CLEC2A: variants seen among roughly 807,000 people sequenced by gnomAD.
CLEC2A encodes the protein keratinocyte-associated C-type lectin.
A neutral mutation model predicts 18.6 loss-of-function variants in CLEC2A; 19 were observed. The ratio of observed to expected loss-of-function variants is 1.02; its 90% confidence interval spans 0.71 to 1.50. CLEC2A has a LOEUF of 1.50. CLEC2A is among the 40% of genes most tolerant of loss of function. CLEC2A has a pLI of 0.00. For missense variants in CLEC2A, 190 were observed against 207.9 expected, an observed-to-expected ratio of 0.91 and a Z score of 0.53; for synonymous variants, 74 against 64.0, an observed-to-expected ratio of 1.16 and a Z score of -0.75.
chr12:9,924,904 A>G (rs1054080134), intron 2 of CLEC2A, among the ~76,000 whole-genome samples: 8 of 152,212 alleles, frequency 5.3e-5, no homozygotes, highest in African/African-American at 1.7e-4. Flanking sequence ...TTTGTGAAAG[A>G]TATCTTCTCT....
intron 4 of CLEC2A, among the ~76,000 whole-genome samples, chr12:9,915,255 G>C (rs1028104401): frequency 2.6e-5 from 4 of 152,168 alleles, no homozygotes; most frequent in African/African-American, 4.8e-5. Flanking sequence ...CTGCTGGTGG[G>C]AGTGTAAATT....
chr12:9,925,750 C>T (rs1011135959), intron 2 of CLEC2A, among the ~76,000 whole-genome samples: 4 of 152,066 alleles, frequency 2.6e-5, no homozygotes, highest in African/African-American at 9.7e-5. Context: ...GGAATCTGAC[C>T]TTTAGTCCTC....
At chr12:9,932,180 C>CT in intron 1 of CLEC2A, 95 bp downstream of exon 1, 1 of 916,954 alleles carries the variant, frequency 1.1e-6, no homozygotes, top group South Asian at 1.5e-5. Context: ...CTTTAGTAGA[C>CT]TTTCACAGTA....
chr12:9,924,445 A>G (rs958383647), intron 2 of CLEC2A, among the ~76,000 whole-genome samples: 2 of 144,952 alleles, frequency 1.4e-5, no homozygotes, highest in Admixed American at 6.7e-5. Flanking sequence ...CCGAAACCCA[A>G]CCCAACCCAA....
At chr12:9,891,521 A>G in the CLEC2A span, among the ~76,000 whole-genome samples, 2 of 152,188 alleles carry the variant, frequency 1.3e-5, no homozygotes, top group Non-Finnish European at 2.9e-5. Context: ...TATTTCATCC[A>G]AGTGGCACAT....
At chr12:9,921,966 G>T in intron 3 of CLEC2A, 100 bp downstream of exon 3, 1 of 1,045,028 alleles carries the variant, frequency 9.6e-7, no homozygotes, top group Non-Finnish European at 1.3e-6. Flanking sequence ...AACCCATGTT[G>T]TTCAAGGATC....
chr12:9,923,264 T>C lies in CLEC2A; in HGVS notation c.140-1032A>G, dbSNP rs918718912. 4.6e-5 allele frequency among the ~76,000 whole-genome samples: 7 copies of C among 152,008 alleles called. No individual in the cohort carries two copies. The East Asian group carries it at 1.2e-3, about 25-fold the overall frequency. The stretch of plus-strand genomic sequence containing the variant: ...AAAAACAATCCCATCAAAAAGTGGG[T>C]GAAGGATATGAACAGACACTTCTCA... On this transcript the variant is annotated intron_variant, in intron 2 of 4. Coordinates refer to ENST00000455827, the MANE Select transcript of CLEC2A (RefSeq NM_001130711.2).
chr12:9,927,335 A>G (rs974392388), intron 1 of CLEC2A, among the ~76,000 whole-genome samples: 3 of 152,212 alleles, frequency 2.0e-5, no homozygotes, highest in African/African-American at 7.2e-5. Context: ...CAAAAATGGT[A>G]CACCTTTACA....
downstream of CLEC2A, among the ~76,000 whole-genome samples, chr12:9,912,296 G>A (rs1591789227): frequency 2.0e-5 from 3 of 152,226 alleles, no homozygotes; most frequent in South Asian, 4.1e-4. Flanking sequence ...AGCTGGCTCT[G>A]CAGGACCCTT....
At chr12:9,893,569 G>A in the CLEC2A span, 2 of 858,838 alleles carry the variant, frequency 2.3e-6, no homozygotes, top group Non-Finnish European at 3.6e-6. Context: ...AGGGAGGGGT[G>A]CTAATGTTTA....
the CLEC2A span, among the ~76,000 whole-genome samples, chr12:9,885,264 A>T: frequency 2.6e-5 from 4 of 151,712 alleles, no homozygotes; most frequent in South Asian, 2.1e-4. Flanking sequence ...TCTTATAATT[A>T]AAAAAGTAAT....
chr12:9,922,353 C>T, intron 2 of CLEC2A, 121 bp from the exon 3 acceptor site: 2 of 675,818 alleles, frequency 3.0e-6, no homozygotes, highest in Non-Finnish European at 4.5e-6. Flanking sequence ...TAGCTTCCCC[C>T]CTCCCCAGAA....
the CLEC2A span, among the ~76,000 whole-genome samples, chr12:9,892,605 A>G: frequency 8.6e-6 from 1 of 116,046 alleles, no homozygotes; most frequent in African/African-American, 3.2e-5. Flanking sequence ...TTTTTTTGAG[A>G]CAGAGTTTCG....
downstream of CLEC2A, among the ~76,000 whole-genome samples, chr12:9,909,033 C>T (rs565639717): frequency 1.3e-5 from 2 of 152,314 alleles, no homozygotes; most frequent in South Asian, 4.1e-4. Context: ...TTCCAATCCT[C>T]TATCTTTTGT....
downstream of CLEC2A, among the ~76,000 whole-genome samples, chr12:9,912,512 C>T (rs1396706199): frequency 6.6e-6 from 1 of 152,170 alleles, no homozygotes; most frequent in Non-Finnish European, 1.5e-5. Context: ...TCATTCGCCT[C>T]TTCTCGAGCA....
intron 4 of CLEC2A, among the ~76,000 whole-genome samples, chr12:9,914,195 C>T (rs916635157): frequency 6.6e-6 from 1 of 152,102 alleles, no homozygotes; most frequent in African/African-American, 2.4e-5. Context: ...CTGCATACTG[C>T]AATAGAAACC....
intron 1 of CLEC2A, among the ~76,000 whole-genome samples, chr12:9,930,430 A>C (rs1863355840): frequency 6.6e-6 from 1 of 152,032 alleles, no homozygotes; most frequent in Non-Finnish European, 1.5e-5. Flanking sequence ...GATTATTTGT[A>C]CTTTTTTGAT....
At chr12:9,887,434 A>G in the CLEC2A span, among the ~76,000 whole-genome samples, 2 of 152,214 alleles carry the variant, frequency 1.3e-5, no homozygotes, top group Admixed American at 6.5e-5. Flanking sequence ...TACTGGAGCA[A>G]TGCCTTCAAA....
chr12:9,926,569 C>T (rs534215178), intron 1 of CLEC2A, among the ~76,000 whole-genome samples: 17 of 152,098 alleles, frequency 1.1e-4, no homozygotes, highest in Admixed American at 3.3e-4. Context: ...GTGGAGAAAT[C>T]ACTGAGTTTT....
Sources: allele counts gnomAD v4.1 joint callset (sites outside exome capture counted in the v4.1 genomes callset), GRCh38; gene constraint gnomAD v4.1.1; transcripts MANE v1.5; gene names NCBI Gene and HGNC (gene_info 2026-07-23, HGNC 2026-07-21).